FHOD3: variants seen among roughly 807,000 people sequenced by gnomAD.
FHOD3 encodes FH1/FH2 domain-containing protein 3.
A neutral mutation model predicts 173.0 loss-of-function variants in FHOD3; 90 were observed. That is an observed-to-expected ratio of 0.52 (90% CI 0.44 to 0.62). The LOEUF (loss-of-function observed/expected upper bound fraction) is 0.62. Among genes scored for constraint, FHOD3 ranks in the 20% least tolerant of loss-of-function variants. The pLI, the probability that FHOD3 is intolerant of heterozygous loss-of-function variation, is 0.00. For synonymous variants in FHOD3, 828 were observed against 823.0 expected (o/e 1.01, Z -0.10); for missense variants, 1,945 against 2,034.7 (o/e 0.96, Z 0.85).
chr18:36,381,222 G>A (rs1008448710), intron 3 of FHOD3, among the ~76,000 whole-genome samples: 2 of 152,206 alleles, frequency 1.3e-5, no homozygotes, highest in African/African-American at 4.8e-5. Context: ...TGTTCCGGCT[G>A]AGTTCCAGTG....
At chr18:36,615,421 C>T (rs978645433) in intron 9 of FHOD3, among the ~76,000 whole-genome samples, 27 of 151,900 alleles carry the variant, frequency 1.8e-4, no homozygotes, top group African/African-American at 6.3e-4. Flanking sequence ...AAAAAATCAC[C>T]CATGATTTTA....
At chr18:36,483,453 G>A (rs1297396841) in intron 3 of FHOD3, among the ~76,000 whole-genome samples, 1 of 152,156 alleles carries the variant, frequency 6.6e-6, no homozygotes, top group East Asian at 1.9e-4. Flanking sequence ...ACTCTTGCTA[G>A]CCCAGTATCT....
intron 3 of FHOD3, among the ~76,000 whole-genome samples, chr18:36,387,757 G>T (rs1415386283): frequency 6.6e-6 from 1 of 152,078 alleles, no homozygotes; most frequent in East Asian, 1.9e-4. Context: ...ACCCCGCATT[G>T]GCAGGGCTTG....
rs373836728 is a variant in FHOD3 at position 36,583,209 on chromosome 18, T to C, written c.606+6664T>C. On this transcript the variant is annotated intron_variant, in intron 6 of 28. Transcript: ENST00000590592. ...GTGGGAAGCCGTTGAACTCTGACCA[T>C]CCAGCTGTGTTTCTTCATTGGGGTC... Among the ~76,000 whole-genome samples, 299 of 152,270 alleles carry C rather than the reference T, an allele frequency of 2.0e-3. 1 individual carries two copies. Among genetic ancestry groups the C allele is most frequent in the African/African-American group, 6.7e-3 (278 of 41,550 alleles).
chr18:36,556,178 T>A (rs1263978364), intron 5 of FHOD3, among the ~76,000 whole-genome samples: 1 of 152,216 alleles, frequency 6.6e-6, no homozygotes, highest in African/African-American at 2.4e-5. Flanking sequence ...TCTTTTTAGC[T>A]GTAATTCCAT....
chr18:36,424,540 A>G (rs2050146738), intron 3 of FHOD3, among the ~76,000 whole-genome samples: 1 of 152,174 alleles, frequency 6.6e-6, no homozygotes, highest in Admixed American at 6.5e-5. Context: ...TGTCCTCAGC[A>G]CCTAGAATGG....
intron 14 of FHOD3, among the ~76,000 whole-genome samples, chr18:36,670,619 T>C (rs774106781): frequency 1.4e-4 from 21 of 152,240 alleles, no homozygotes; most frequent in Non-Finnish European, 2.8e-4. Context: ...TGTTTTATCA[T>C]TCTCCCCAAC....
intron 14 of FHOD3, among the ~76,000 whole-genome samples, chr18:36,669,008 C>A (rs2037363163): frequency 6.6e-6 from 1 of 151,900 alleles, no homozygotes; most frequent in Non-Finnish European, 1.5e-5. Context: ...TGGTATTGTT[C>A]TAGTATTCCG....
rs747688287 is a variant in FHOD3, at chr18:36,576,505, A to G, written c.566A>G (p.Asn189Ser). 6 of 1,613,812 alleles carry G rather than the reference A, an allele frequency of 3.7e-6. No individual in the cohort carries two copies. The East Asian group carries it at 1.1e-4, about 30-fold the overall frequency. The change falls in exon 6 of 29, where the codon AAT becomes AGT. Residue 189 changes from asparagine to serine, a missense_variant. Asn to Ser is a conservative substitution (Grantham distance 46). This residue lies in a region of FHOD3 where 245 missense variants were observed against 267.7 expected (regional missense o/e 0.92). Transcript: ENST00000590592. Reference protein sequence around the residue: ...VDGMNGVINRNETIQWLYTLI... With the variant: ...VDGMNGVINRSETIQWLYTLI... ...GGAATGAATGGAGTAATAAACCGCAATGAAACCATTCAGTGGCTGTACACT... is the reference window on the plus strand; with the variant it reads ...GGAATGAATGGAGTAATAAACCGCAGTGAAACCATTCAGTGGCTGTACACT...
At chr18:36,558,036 A>T (rs2057956691) in intron 5 of FHOD3, among the ~76,000 whole-genome samples, 1 of 152,198 alleles carries the variant, frequency 6.6e-6, no homozygotes, top group Non-Finnish European at 1.5e-5. Flanking sequence ...CTGTGTATGA[A>T]TGCTGGGTAC....
chr18:36,764,117 G>C (rs1444414709), intron 27 of FHOD3, among the ~76,000 whole-genome samples: 1 of 152,142 alleles, frequency 6.6e-6, no homozygotes, highest in Non-Finnish European at 1.5e-5. Flanking sequence ...GGAAGGAAAG[G>C]TACCCTCTTC....
intron 3 of FHOD3, among the ~76,000 whole-genome samples, chr18:36,388,699 A>G (rs2048146781): frequency 6.6e-6 from 1 of 152,208 alleles, no homozygotes; most frequent in African/African-American, 2.4e-5. Context: ...GGCAGAGCCC[A>G]GGCACACGTT....
At chr18:36,778,757 G>T (rs577928082) in intron 28 of FHOD3, 1 of 152,182 alleles carries the variant, frequency 6.6e-6, no homozygotes, top group South Asian at 2.1e-4. Flanking sequence ...TTGGCAGTTT[G>T]CTCCTTAGCC....
intron 5 of FHOD3, among the ~76,000 whole-genome samples, chr18:36,569,352 A>G (rs1174665083): frequency 6.6e-6 from 1 of 152,226 alleles, no homozygotes; most frequent in Non-Finnish European, 1.5e-5. Flanking sequence ...AGTAGGCTTC[A>G]GAGCAAAGAA....
intron 3 of FHOD3, among the ~76,000 whole-genome samples, chr18:36,466,856 T>G (rs2052971125): frequency 2.6e-5 from 3 of 114,902 alleles, no homozygotes; most frequent in Non-Finnish European, 1.7e-5. Flanking sequence ...ACCAAACGTT[T>G]TGTGATTTTA....
chr18:36,374,135 T>C (rs2047321633), intron 3 of FHOD3, among the ~76,000 whole-genome samples: 1 of 152,224 alleles, frequency 6.6e-6, no homozygotes, highest in Non-Finnish European at 1.5e-5. Flanking sequence ...CTAACTCCTT[T>C]TAAGGAAACT....
At chr18:36,307,836 A>T (rs541207752) in intron 1 of FHOD3, among the ~76,000 whole-genome samples, 26 of 152,360 alleles carry the variant, frequency 1.7e-4, no homozygotes, top group Middle Eastern at 3.4e-3. Flanking sequence ...ACAGAAAAGC[A>T]CTTTGAAGAA....
intron 5 of FHOD3, among the ~76,000 whole-genome samples, chr18:36,547,153 G>C (rs996010706): frequency 1.3e-5 from 2 of 152,134 alleles, no homozygotes; most frequent in African/African-American, 2.4e-5. Context: ...CATCCTTGTG[G>C]GGACGAAGGA....
At chr18:36,641,551 C>CGGAAA (rs1568537436) in intron 10 of FHOD3, among the ~76,000 whole-genome samples, 4 of 152,192 alleles carry the variant, frequency 2.6e-5, no homozygotes, top group African/African-American at 4.8e-5. Flanking sequence ...GGGTTGAATA[C>CGGAAA]TTCCTGCTAC....
Sources: gnomAD v4.1 joint callset for allele counts (sites outside exome capture counted in the v4.1 genomes callset) on GRCh38, gnomAD v4.1.1 for gene constraint, gnomAD v4.1.1 regional missense constraint, MANE v1.5 for transcripts, NCBI Gene and HGNC (gene_info 2026-07-23, HGNC 2026-07-21) for gene names.